The following ADGRV1 variants were observed in gnomAD, a reference collection of about 807,000 sequenced individuals.
ADGRV1 encodes adhesion G protein-coupled receptor V1.
In ADGRV1, 359 loss-of-function variants were observed where a neutral mutation model predicts 596.2. The observed-to-expected ratio is 0.60, with a 90% CI of 0.55 to 0.66. The LOEUF is 0.66. Ranked by LOEUF, ADGRV1 falls within the 30% of genes least tolerant of loss-of-function variation. ADGRV1 has a pLI of 0.00. For synonymous variants in ADGRV1, 2,681 were observed against 2,679.2 expected, an observed-to-expected ratio of 1.00 and a Z score of -0.02; for missense variants, 7,274 against 7,575.6, an observed-to-expected ratio of 0.96 and a Z score of 1.48.
intron 87 of ADGRV1, among the ~76,000 whole-genome samples, chr5:91,145,682 CAT>C (rs1034410003): frequency 2.8e-4 from 42 of 151,502 alleles, no homozygotes; most frequent in African/African-American, 9.7e-4. Flanking sequence ...AGGGGAAATA[CAT>C]GTTTGTTTAC....
chr5:90,711,177 A>G lies in ADGRV1; in HGVS notation c.8904-7A>G, dbSNP rs1371367895. ...TTGTTTGTTTTTGTTTTTTTGCTAT[A>G]TTATAGGTTTGAAGTAAATGAAACC... On this transcript the variant is annotated splice_polypyrimidine_tract_variant and splice_region_variant and intron_variant, in intron 40 of 89. Coordinates refer to ENST00000405460, the MANE Select transcript of ADGRV1 (RefSeq NM_032119.4). 6.8e-6 allele frequency: 11 copies of G among 1,606,810 alleles called. No homozygotes were observed. The highest frequency in any genetic ancestry group is 5.9e-6 in the Non-Finnish European group (7 of 1,177,130).
At chr5:91,117,386 T>A (rs1792941880) in intron 87 of ADGRV1, among the ~76,000 whole-genome samples, 1 of 152,124 alleles carries the variant, frequency 6.6e-6, no homozygotes, top group African/African-American at 2.4e-5. Flanking sequence ...TATATTATAA[T>A]AAAAATCAGA....
At chr5:91,149,984 GTTC>G in intron 87 of ADGRV1, 43 bp from the exon 88 acceptor site, 3 of 1,449,376 alleles carry the variant, frequency 2.1e-6, no homozygotes, top group Non-Finnish European at 2.8e-6. Context: ...ACATGCTGAT[GTTC>G]TTTTTCTTTT....
At chr5:91,037,987 T>A (rs117994785) in intron 85 of ADGRV1, among the ~76,000 whole-genome samples, 1 of 152,342 alleles carries the variant, frequency 6.6e-6, no homozygotes, top group East Asian at 1.9e-4. Flanking sequence ...AAGGTATACA[T>A]GAAACATAAA....
rs771225820 is a variant in ADGRV1 at position 90,778,950 on chromosome 5, G to C, written c.12935G>C (p.Gly4312Ala). ...YKTMSGTAEA[G>A]LDFVPAAGEL... ...ACGATGAGCGGGACAGCGGAAGCAGGCTTGGATTTTGTTCCTGCAGCAGGG... is the reference window on the plus strand; with the variant it reads ...ACGATGAGCGGGACAGCGGAAGCAGCCTTGGATTTTGTTCCTGCAGCAGGG... The change falls in exon 64 of 90, where the codon GGC (glycine) becomes GCC (alanine). Residue 4312 changes from glycine (G) to alanine (A), a missense_variant. Physicochemically the swap from Gly to Ala is moderately conservative, Grantham distance 60 (BLOSUM62 0). Around this residue, in one of 5 missense-constraint regions of ADGRV1, gnomAD observed 3,643 missense variants for 3,809.2 expected, o/e 0.96. Transcript: ENST00000405460. 2 of 1,613,542 alleles carry C rather than the reference G, an allele frequency of 1.2e-6. No individual in the cohort carries two copies.
chr5:90,686,545 C>A (rs1181239493), intron 29 of ADGRV1, among the ~76,000 whole-genome samples: 1 of 151,988 alleles, frequency 6.6e-6, no homozygotes, highest in Non-Finnish European at 1.5e-5. Flanking sequence ...GACATGAACT[C>A]ATCATTTTTT....
chr5:90,863,872 G>C lies in ADGRV1; in HGVS notation c.17856+15G>C. 2.0e-6 allele frequency: 3 copies of C among 1,517,134 alleles called. No homozygotes were observed. Among genetic ancestry groups the C allele is most frequent in the Non-Finnish European group, 2.7e-6 (3 of 1,092,908 alleles). 94.0% of individuals were successfully genotyped at this position (1,517,134 alleles called of 1,614,324 possible). On this transcript the variant is annotated intron_variant, in intron 83 of 89. Coordinates refer to ENST00000405460, the MANE Select transcript of ADGRV1 (RefSeq NM_032119.4). ...TAGGTACACAGGTAGGAGAGCGCTGGCATTTTTGATTTATCGTGAGATGTT... is the reference window on the plus strand; with the variant it reads ...TAGGTACACAGGTAGGAGAGCGCTGCCATTTTTGATTTATCGTGAGATGTT...
rs750491266 is a variant in ADGRV1 at position 90,643,820 on chromosome 5, G to T, written c.2571G>T (p.Trp857Cys). 6.2e-7 allele frequency: 1 copy of T among 1,607,824 alleles called. No homozygotes were observed. Among genetic ancestry groups the T allele is most frequent in the Non-Finnish European group, 8.5e-7 (1 of 1,176,666 alleles). The change falls in exon 14 of 90, where the codon TGG becomes TGT. Residue 857 changes from tryptophan (W) to cysteine (C), a missense_variant. Around this residue, in one of 5 missense-constraint regions of ADGRV1, gnomAD observed 1,715 missense variants for 1,708.8 expected, o/e 1.00. Transcript: ENST00000405460. ...DGIPELDEHYWVVLSSHGERE... is the reference protein window; with the variant it reads ...DGIPELDEHYCVVLSSHGERE... ...CACTTTAGTTGGATGAACACTACTG[G>T]GTGGTCCTCAGCAGCCACGGAGAAC...
At chr5:90,979,025 A>G (rs1779863769) in intron 84 of ADGRV1, among the ~76,000 whole-genome samples, 1 of 152,196 alleles carries the variant, frequency 6.6e-6, no homozygotes, top group Non-Finnish European at 1.5e-5. Context: ...ACTTAGGAAA[A>G]AAATGAAGAT....
chr5:91,126,803 A>G (rs1459737738), intron 87 of ADGRV1, among the ~76,000 whole-genome samples: 1 of 152,208 alleles, frequency 6.6e-6, no homozygotes, highest in African/African-American at 2.4e-5. Context: ...TTTGTGGACC[A>G]CTTCTGTAGG....
chr5:90,723,211 A>G (rs764664560), intron 45 of ADGRV1, among the ~76,000 whole-genome samples: 1 of 152,186 alleles, frequency 6.6e-6, no homozygotes, highest in Non-Finnish European at 1.5e-5. Flanking sequence ...AACCATTTCA[A>G]GAAGTTTGGC....
intron 72 of ADGRV1, among the ~76,000 whole-genome samples, chr5:90,805,720 G>T (rs1403111703): frequency 6.6e-6 from 1 of 152,170 alleles, no homozygotes; most frequent in Non-Finnish European, 1.5e-5. Context: ...ATAGGAGTTT[G>T]TTGAAAGTAG....
At chr5:90,754,109 T>G (rs1755566327) in intron 54 of ADGRV1, among the ~76,000 whole-genome samples, 1 of 152,120 alleles carries the variant, frequency 6.6e-6, no homozygotes, top group Non-Finnish European at 1.5e-5. Context: ...TTATTTTACT[T>G]TATCTTTTTC....
At chr5:90,684,237 G>A (rs1745319373) in intron 28 of ADGRV1, 42 bp downstream of exon 28, 1 of 1,495,262 alleles carries the variant, frequency 6.7e-7, no homozygotes, top group East Asian at 2.3e-5. Context: ...TTAGCTCTCA[G>A]AATCCTGAAA....
rs1787405762 is a variant in ADGRV1 at position 91,061,237 on chromosome 5, C to T, written c.18153-11210C>T. 1.3e-5 allele frequency among the ~76,000 whole-genome samples: 2 copies of T among 152,166 alleles called. 1 individual carries two copies. Among genetic ancestry groups the T allele is most frequent in the South Asian group, 4.1e-4 (2 of 4,826 alleles). ...TTCATACATACAAAAAATAACAAGTCAGCCTGACCTTATTCTGATGAAATG... is the reference window on the plus strand; with the variant it reads ...TTCATACATACAAAAAATAACAAGTTAGCCTGACCTTATTCTGATGAAATG... On this transcript the variant is annotated intron_variant, in intron 85 of 89. Coordinates refer to ENST00000405460, the MANE Select transcript of ADGRV1 (RefSeq NM_032119.4).
chr5:91,064,763 A>G (rs1787740684), intron 85 of ADGRV1, among the ~76,000 whole-genome samples: 1 of 152,178 alleles, frequency 6.6e-6, no homozygotes, highest in South Asian at 2.1e-4. Context: ...TTTAAACCCA[A>G]GCTGTATTTC....
intron 1 of ADGRV1, among the ~76,000 whole-genome samples, chr5:90,562,974 C>T (rs1755056347): frequency 6.6e-6 from 1 of 152,116 alleles, no homozygotes; most frequent in Non-Finnish European, 1.5e-5. Context: ...TACATTTGAG[C>T]AGAGAGATTT....
chr5:90,649,573 C>G (rs1768294168), intron 17 of ADGRV1, among the ~76,000 whole-genome samples: 1 of 152,128 alleles, frequency 6.6e-6, no homozygotes, highest in South Asian at 2.1e-4. Flanking sequence ...ACCGCAACCT[C>G]TGCCTCCTAG....
intron 85 of ADGRV1, among the ~76,000 whole-genome samples, chr5:91,028,726 G>A (rs1383291839): frequency 7.7e-6 from 1 of 130,482 alleles, no homozygotes; most frequent in Non-Finnish European, 1.6e-5. Context: ...GAAAACACTA[G>A]ACTCTGTTTT....
Sources: allele counts gnomAD v4.1 joint callset (sites outside exome capture counted in the v4.1 genomes callset), GRCh38; gene constraint gnomAD v4.1.1; regional missense constraint gnomAD v4.1.1; transcripts MANE v1.5; gene names NCBI Gene and HGNC (gene_info 2026-07-23, HGNC 2026-07-21).